ZGPAT: variants seen among roughly 807,000 people sequenced by gnomAD.
The protein encoded by ZGPAT is zinc finger CCCH-type with G patch domain-containing protein.
Under a neutral mutation model 47.9 loss-of-function variants are expected in ZGPAT, and 39 were observed. The ratio of observed to expected loss-of-function variants is 0.81; its 90% CI spans 0.63 to 1.06. The LOEUF is 1.06. Ranked by LOEUF, ZGPAT falls within the 50% of genes least tolerant of loss-of-function variation. The pLI, the probability that ZGPAT is intolerant of heterozygous loss-of-function variation, is 0.00. For synonymous variants in ZGPAT, 348 were observed against 292.9 expected (o/e 1.19, Z -1.92); for missense variants, 717 against 681.4 (o/e 1.05, Z -0.58).
intron 2 of ZGPAT, among the ~76,000 whole-genome samples, chr20:63,727,675 A>G (rs888761072): frequency 3.3e-5 from 5 of 151,230 alleles, no homozygotes; most frequent in Non-Finnish European, 5.9e-5. Flanking sequence ...GTCTCAAAAA[A>G]AAAAAAAAAA....
At chr20:63,731,500 TG>T (rs1356343148) in intron 2 of ZGPAT, among the ~76,000 whole-genome samples, 4 of 107,126 alleles carry the variant, frequency 3.7e-5, no homozygotes, top group African/African-American at 5.5e-5. Flanking sequence ...AGTGTACAAT[TG>T]GCCCTTGGTG....
At chr20:63,711,739 C>T (rs1601316257) in intron 2 of ZGPAT, among the ~76,000 whole-genome samples, 1 of 152,020 alleles carries the variant, frequency 6.6e-6, no homozygotes, top group South Asian at 2.1e-4. Flanking sequence ...CCTGTCACCA[C>T]GTGGTGCCCA....
chr20:63,713,012 G>C (rs1458773886), intron 2 of ZGPAT, among the ~76,000 whole-genome samples: 6 of 152,052 alleles, frequency 3.9e-5, no homozygotes, highest in African/African-American at 1.4e-4. Context: ...TACTGTTCAA[G>C]TCTTGCACAT....
At chr20:63,726,382 G>A (rs552947338) in intron 2 of ZGPAT, among the ~76,000 whole-genome samples, 13 of 151,896 alleles carry the variant, frequency 8.6e-5, no homozygotes, top group African/African-American at 3.1e-4. Flanking sequence ...TGTATTTTTA[G>A]TAGAGACAGG....
intron 5 of ZGPAT, 47 bp downstream of exon 5, chr20:63,734,871 G>A (rs776220903): frequency 6.6e-7 from 1 of 1,525,030 alleles, no homozygotes; most frequent in South Asian, 1.3e-5. Context: ...CTGCAGCATA[G>A]CCCAGGTCCA....
intron 6 of ZGPAT, 86 bp from the exon 7 acceptor site, chr20:63,735,695 C>T: frequency 6.5e-7 from 1 of 1,534,360 alleles, no homozygotes; most frequent in Non-Finnish European, 8.8e-7. Flanking sequence ...GGAGGACGGG[C>T]AGCGGGCACA....
chr20:63,735,198 A>G lies in ZGPAT; in HGVS notation c.1031A>G (p.His344Arg), dbSNP rs758424638. The change falls in exon 6 of 7, where the codon CAT becomes CGT. Residue 344 changes from histidine to arginine, a missense_variant. By Grantham distance (29) the His-to-Arg change is conservative. Transcript: ENST00000355969. ...GCGGAAGGCCGGGTGGAGCCCATCC[A>G]TGCTGTGGTGTTGCCTCGAGGGAAG... is the stretch of plus-strand genomic sequence containing the variant. ...RHAEGRVEPIHAVVLPRGKSL... is the reference protein window; with the variant it reads ...RHAEGRVEPIRAVVLPRGKSL... The G allele has an allele frequency of 7.1e-6, 11 of 1,551,808 alleles. No homozygotes were observed. The South Asian group carries it at 9.8e-5, about 14-fold the overall frequency.
At chr20:63,730,047 C>CACACACACACACACAA (rs1429442930) in intron 2 of ZGPAT, 1 of 152,034 alleles carries the variant, frequency 6.6e-6, no homozygotes, top group East Asian at 1.9e-4. Context: ...CACACACACA[C>CACACACACACACACAA]AAAATAATAG....
At chr20:63,726,626 G>A (rs943060068) in intron 2 of ZGPAT, among the ~76,000 whole-genome samples, 1 of 151,964 alleles carries the variant, frequency 6.6e-6, no homozygotes, top group Non-Finnish European at 1.5e-5. Context: ...AGGCTCAAGC[G>A]ATTCTTATGC....
At position 63,721,851 on chromosome 20, in the gene ZGPAT, A is replaced by G. The variant is rs532093566; in HGVS notation, c.585-11368A>G. Among the ~76,000 whole-genome samples the G allele has an allele frequency of 7.6e-4, 115 of 152,096 alleles. 2 individuals carry two copies. The highest frequency in any genetic ancestry group is 7.5e-4 in the Non-Finnish European group (51 of 68,036). ...GCCAACATGGTGAAGCCCCGTCTCT[A>G]GTAAAAATACAAAAATTAGCTGGGC... On this transcript the variant is annotated intron_variant, in intron 2 of 6. Transcript: ENST00000355969.
At chr20:63,719,081 T>A (rs947966903) in intron 2 of ZGPAT, among the ~76,000 whole-genome samples, 13 of 126,346 alleles carry the variant, frequency 1.0e-4, no homozygotes, top group Middle Eastern at 4.5e-3. Flanking sequence ...AAAAAAAAAA[T>A]GTCATCTCAC....
At chr20:63,729,372 C>T (rs1163194138) in intron 2 of ZGPAT, among the ~76,000 whole-genome samples, 1 of 152,216 alleles carries the variant, frequency 6.6e-6, no homozygotes, top group Non-Finnish European at 1.5e-5. Flanking sequence ...GTGGCTGGAA[C>T]TCAGAAGCTT....
At chr20:63,723,136 C>G (rs551620089) in intron 2 of ZGPAT, among the ~76,000 whole-genome samples, 1 of 142,260 alleles carries the variant, frequency 7.0e-6, no homozygotes, top group Non-Finnish European at 1.5e-5. Flanking sequence ...CCCTTCTCCT[C>G]TGACATAGCT....
intron 2 of ZGPAT, among the ~76,000 whole-genome samples, chr20:63,715,743 A>G (rs1034719259): frequency 1.3e-5 from 2 of 152,082 alleles, no homozygotes; most frequent in Non-Finnish European, 2.9e-5. Flanking sequence ...TATTCTTTAT[A>G]TTATGGGAAG....
intron 2 of ZGPAT, among the ~76,000 whole-genome samples, chr20:63,729,177 C>T (rs1396959458): frequency 6.6e-6 from 1 of 151,958 alleles, no homozygotes; most frequent in Admixed American, 6.6e-5. Flanking sequence ...ATTATAGGCG[C>T]ACGCCATCAC....
rs776481460 is a variant in ZGPAT at position 63,733,337 on chromosome 20, G to A, written c.703G>A (p.Ala235Thr). The A allele has an allele frequency of 1.2e-5, 20 of 1,611,812 alleles. No homozygotes were observed. The highest frequency in any genetic ancestry group is 9.9e-5 in the South Asian group (9 of 91,038). ...LAKHQDGLWH[A>T]ARITDVDNGY... ...CAAGCACCAGGATGGCCTCTGGCAC[G>A]CAGCACGCATCACCGGTGAGGCTGG... The change falls in exon 3 of 7, where the codon GCA becomes ACA. Residue 235 changes from alanine to threonine, a missense_variant. By Grantham distance (58) the Ala-to-Thr change is moderately conservative (BLOSUM62 0). Coordinates refer to ENST00000355969, the MANE Select transcript of ZGPAT (RefSeq NM_181485.3).
intron 2 of ZGPAT, among the ~76,000 whole-genome samples, chr20:63,721,439 C>T (rs1436022642): frequency 6.6e-6 from 1 of 152,046 alleles, no homozygotes; most frequent in Non-Finnish European, 1.5e-5. Context: ...CAGTGTCCGC[C>T]AGGCTGTTCA....
chr20:63,709,321 C>T lies in ZGPAT; in HGVS notation c.584+157C>T, dbSNP rs771922869. On this transcript the variant is annotated intron_variant, in intron 2 of 6. Transcript: ENST00000355969. The stretch of plus-strand genomic sequence containing the variant: ...TGTGTCTGTGTTCAGGCGTCTACGT[C>T]TTCCTTCTGGGGTGAATCAAGAAGC... Among the ~76,000 whole-genome samples the T allele has an allele frequency of 4.6e-5, 7 of 152,312 alleles. No individual in the cohort carries two copies. The East Asian group carries it at 7.7e-4, about 17-fold the overall frequency.
chr20:63,723,828 T>C (rs1474546733), intron 2 of ZGPAT, among the ~76,000 whole-genome samples: 1 of 152,262 alleles, frequency 6.6e-6, no homozygotes, highest in African/African-American at 2.4e-5. Context: ...TCCAGCACTT[T>C]TGGGGGCTGA....
Sources: gnomAD v4.1 joint callset for allele counts (sites outside exome capture counted in the v4.1 genomes callset) on GRCh38, gnomAD v4.1.1 for gene constraint, MANE v1.5 for transcripts, NCBI Gene and HGNC (gene_info 2026-07-23, HGNC 2026-07-21) for gene names.